Variants in GRAMD1A observed in about 807,000 individuals in gnomAD.
The protein encoded by GRAMD1A is protein Aster-A.
Under a neutral mutation model 92.0 loss-of-function variants are expected in GRAMD1A, and 50 were observed. The ratio of observed to expected loss-of-function variants is 0.54; its 90% CI spans 0.43 to 0.69. GRAMD1A has a LOEUF of 0.69. Among genes scored for constraint, GRAMD1A ranks in the 30% least tolerant of loss-of-function variants. The pLI is 0.00. For synonymous variants in GRAMD1A, 405 were observed against 403.6 expected (o/e 1.00, Z -0.04); for missense variants, 819 against 978.9 (o/e 0.84, Z 2.18).
Position 35,014,657 on chromosome 19 carries a change from T to G in GRAMD1A, c.1069+270T>G. On this transcript the variant is annotated intron_variant, in intron 10 of 19. Transcript: ENST00000317991. ...TGTCACGTGGGCAAATTATGTAACT[T>G]CTCTGAGCTTGCTTTCCTCCTCTGA... 5 of 521,706 alleles carry G rather than the reference T, an allele frequency of 9.6e-6. No homozygotes were observed. In the South Asian group the frequency reaches 1.1e-4, roughly 11 times the overall value. 32.3% of individuals were successfully genotyped at this position (521,706 alleles called of 1,614,324 possible).
At position 35,013,382 on chromosome 19, in the gene GRAMD1A, C is replaced by T; in HGVS notation, c.719+14C>T. On this transcript the variant is annotated intron_variant, in intron 8 of 19. Coordinates refer to ENST00000317991, the MANE Select transcript of GRAMD1A (RefSeq NM_020895.5). This position sits in a 1 kb window ranked among gnomAD's most constrained non-coding sequence, Gnocchi z 4.9. ...GAACGGTCTGGGGTGAGTTGGAGGT[C>T]AAAGGAGGTTGAAGGGTTCGGGGGA... is the stretch of plus-strand genomic sequence containing the variant. 6.5e-7 allele frequency: 1 copy of T among 1,531,076 alleles called. No homozygotes were observed. Among genetic ancestry groups the T allele is most frequent in the Non-Finnish European group, 8.9e-7 (1 of 1,122,574 alleles). The allele number at this position is 1,531,076 out of a possible 1,614,324, so 94.8% of individuals were successfully genotyped here. A position where few individuals can be genotyped will look rare whatever the true frequency, so the allele number is the denominator to read the frequency against.
chr19:35,013,518 C>T lies in GRAMD1A; in HGVS notation c.720-23C>T. 1 of 1,589,220 alleles carries T rather than the reference C, an allele frequency of 6.3e-7. No individual in the cohort carries two copies. The highest frequency in any genetic ancestry group is 8.6e-7 in the Non-Finnish European group (1 of 1,164,368). The stretch of plus-strand genomic sequence containing the variant: ...ATGGGGTCTCAAGGACACAGCAGTC[C>T]CGCTTCCTCCCCTTTCCCACAGGAC... On this transcript the variant is annotated intron_variant, in intron 8 of 19. Coordinates refer to ENST00000317991, the MANE Select transcript of GRAMD1A (RefSeq NM_020895.5). This position sits in a 1 kb window ranked among gnomAD's most constrained non-coding sequence, Gnocchi z 4.9.
rs1600299467 is a variant in GRAMD1A at position 35,011,542 on chromosome 19, A to G, written c.594A>G (p.Ala198=). 1.9e-6 allele frequency: 3 copies of G among 1,610,316 alleles called. No homozygotes were observed. The highest frequency in any genetic ancestry group is 4.5e-5 in the East Asian group (2 of 44,848). The stretch of plus-strand genomic sequence containing the variant: ...TCATCTTCCGCCTCTGGCAGAATGC[A>G]CTGCTTGAAAAGGTGGGCCTGGGTG... ...FLLIFRLWQN[A]LLEKTLSPRE... Residue 198 remains alanine (A), a synonymous_variant, in exon 7 of 20, where the codon GCA becomes GCG. Transcript: ENST00000317991.
At chr19:34,996,125 C>T (rs986591973), upstream of GRAMD1A, 2 of 1,535,998 alleles carry the variant, frequency 1.3e-6, no homozygotes, top group Admixed American at 2.0e-5. Context: ...GCAGCAGCCA[C>T]AGGGTGACAG....
chr19:35,021,960 G>A lies in GRAMD1A; in HGVS notation c.1763G>A (p.Ser588Asn). 1 of 1,614,072 alleles carries A rather than the reference G, an allele frequency of 6.2e-7. No homozygotes were observed. The highest frequency in any genetic ancestry group is 8.5e-7 in the Non-Finnish European group (1 of 1,179,990). The change falls in exon 16 of 20, where the codon AGC becomes AAC. Residue 588 changes from serine (S) to asparagine (N), a missense_variant. Around this residue, in one of 3 missense-constraint regions of GRAMD1A, gnomAD observed 577 missense variants for 674.6 expected, o/e 0.86. Coordinates refer to ENST00000317991, the MANE Select transcript of GRAMD1A (RefSeq NM_020895.5). This position sits in a 1 kb window ranked among gnomAD's most constrained non-coding sequence, Gnocchi z 5.3. ...AGCTGCTCTCCTGCAGGCTCCCTCAGCTCCCGCTTCTCCGAACCATCTGTG... is the reference window on the plus strand; with the variant it reads ...AGCTGCTCTCCTGCAGGCTCCCTCAACTCCCGCTTCTCCGAACCATCTGTG... Reference protein sequence around the residue: ...RAGIHTSGSLSSRFSEPSVDQ... With the variant: ...RAGIHTSGSLNSRFSEPSVDQ...
rs2014254570 is a variant in GRAMD1A, at chr19:35,000,392, C to CGCCCAGCGCA, written c.-79_-70dup. The CGCCCAGCGCA allele has an allele frequency of 6.5e-5, 75 of 1,152,380 alleles. No homozygotes were observed. Among genetic ancestry groups the CGCCCAGCGCA allele is most frequent in the Non-Finnish European group, 7.8e-5 (73 of 939,854 alleles). 71.4% of individuals were successfully genotyped at this position (1,152,380 alleles called of 1,614,324 possible). On this transcript the variant is annotated 5_prime_UTR_variant, in exon 1 of 20. Coordinates refer to ENST00000317991, the MANE Select transcript of GRAMD1A (RefSeq NM_020895.5). This position sits in a 1 kb window ranked among gnomAD's most constrained non-coding sequence, Gnocchi z 4.9. Reference sequence around the variant, plus strand: ...AGGCCAGGCCGGTGCCCTGCGGGGACGCCCAGCGCAGCCCAGCCCCGCGCA... The same window carrying CGCCCAGCGCA: ...AGGCCAGGCCGGTGCCCTGCGGGGACGCCCAGCGCAGCCCAGCGCAGCCCAGCCCCGCGCA...
In GRAMD1A at chr19:35,014,221, C is replaced by T. The variant is rs202058211; in HGVS notation, c.903C>T (p.Ser301=). The change falls in exon 10 of 20, where the codon AGC becomes AGT. Residue 301 remains serine, a synonymous_variant. Transcript: ENST00000317991. ...AGGACAAGGAGGAGCAGGTAGACAG[C>T]CAGCCAGACGCCTCCTCCAGCCAGA... ...AEEDKEEQVD[S]QPDASSSQTV... The T allele has an allele frequency of 2.5e-6, 4 of 1,613,850 alleles. No individual in the cohort carries two copies. The African/African-American group carries it at 5.3e-5, about 22-fold the overall frequency.
chr19:34,995,586 T>G (rs1444991490), upstream of GRAMD1A, among the ~76,000 whole-genome samples: 4 of 144,134 alleles, frequency 2.8e-5, no homozygotes, highest in Non-Finnish European at 6.0e-5. Context: ...TTTTTTTTTT[T>G]TTTTTTTTTT....
chr19:35,019,408 C>A lies in GRAMD1A; in HGVS notation c.1350C>A (p.Gly450=), dbSNP rs1489060816. Residue 450 remains glycine, a synonymous_variant, in exon 13 of 20, where the codon GGC becomes GGA. Coordinates refer to ENST00000317991, the MANE Select transcript of GRAMD1A (RefSeq NM_020895.5). ...CCCTGCAGACGCTGTTCCGGCGCGG[C>A]CCCCAGGCCGGCGGGTGTGTGGTGG... ...VVETQTLFRR[G]PQAGGCVVDS... 2 of 1,613,722 alleles carry A rather than the reference C, an allele frequency of 1.2e-6. No individual in the cohort carries two copies. Among genetic ancestry groups the A allele is most frequent in the South Asian group, 1.1e-5 (1 of 91,084 alleles).
Position 35,000,453 on chromosome 19 carries a change from C to T in GRAMD1A, c.-26C>T, listed in dbSNP as rs775413407. 5.5e-6 allele frequency: 5 copies of T among 903,664 alleles called. No homozygotes were observed. Among genetic ancestry groups the T allele is most frequent in the Admixed American group, 5.1e-5 (1 of 19,506 alleles). The allele number at this position is 903,664 out of a possible 1,614,324, so 56.0% of individuals were successfully genotyped here. A position where few individuals can be genotyped will look rare whatever the true frequency, so the allele number is the denominator to read the frequency against. On this transcript the variant is annotated 5_prime_UTR_variant, in exon 1 of 20. Coordinates refer to ENST00000317991, the MANE Select transcript of GRAMD1A (RefSeq NM_020895.5). The surrounding 1 kb of genome is among the most constrained non-coding windows in gnomAD (Gnocchi z 4.9). ...GCCCTGCCCTGCCCTGCCCTGCGCC[C>T]GGGGCGCGCCCACCGCGCCGCATCC...
In GRAMD1A at chr19:35,015,956, G is replaced by A. The variant is rs1238409757; in HGVS notation, c.1202G>A (p.Cys401Tyr). The A allele has an allele frequency of 6.2e-7, 1 of 1,613,356 alleles. No homozygotes were observed. The highest frequency in any genetic ancestry group is 2.2e-5 in the East Asian group (1 of 44,842). ...TTCCTCCAGGGCTTCCTACAGCAGT[G>A]CAAGTTCACAGGTCAGCGGGCGCAT... ...SPFLQGFLQQ[C>Y]KFTDVTLSPW... The change falls in exon 11 of 20, where the codon TGC (cysteine) becomes TAC (tyrosine). Residue 401 changes from cysteine to tyrosine, a missense_variant. By Grantham distance (194) the Cys-to-Tyr change is radical. Transcript: ENST00000317991.
chr19:35,013,948 A>G lies in GRAMD1A; in HGVS notation c.871-241A>G, dbSNP rs2015437465. Among the ~76,000 whole-genome samples, 1 of 152,218 alleles carries G rather than the reference A, an allele frequency of 6.6e-6. No homozygotes were observed. Among genetic ancestry groups the G allele is most frequent in the Non-Finnish European group, 1.5e-5 (1 of 68,040 alleles). On this transcript the variant is annotated intron_variant, in intron 9 of 19. Transcript: ENST00000317991. The surrounding 1 kb of genome is among the most constrained non-coding windows in gnomAD (Gnocchi z 4.9). ...TGGGTGGATAGATGAAGCAGCAGAC[A>G]GACAGACGGACAGGACAGGTAAGAA...
chr19:35,005,204 G>A (rs1010158535), intron 1 of GRAMD1A, among the ~76,000 whole-genome samples: 2 of 151,562 alleles, frequency 1.3e-5, no homozygotes, highest in Admixed American at 6.6e-5. Flanking sequence ...CGTGGGTGGG[G>A]GTTGGGGGTG....
chr19:35,022,844 G>A (rs1040188929), intron 16 of GRAMD1A, 56 bp from the exon 17 acceptor site: 20 of 1,572,156 alleles, frequency 1.3e-5, no homozygotes, highest in East Asian at 6.9e-5. Flanking sequence ...TGGGGGTGTC[G>A]GGGGCAGGCC....
chr19:34,999,895 T>G, upstream of GRAMD1A: 4 of 369,986 alleles, frequency 1.1e-5, no homozygotes, highest in African/African-American at 2.2e-5. Context: ...GCCCCACCCC[T>G]TCCCGCCAGC....
intron 10 of GRAMD1A, chr19:35,015,384 T>C (rs757853989): frequency 8.3e-5 from 13 of 156,774 alleles, no homozygotes; most frequent in Non-Finnish European, 1.4e-4. Flanking sequence ...CAGCCTATTT[T>C]TCCTAGTGTC....
At chr19:35,006,548 T>C (rs899200487) in intron 1 of GRAMD1A, among the ~76,000 whole-genome samples, 2 of 152,234 alleles carry the variant, frequency 1.3e-5, no homozygotes, top group Non-Finnish European at 2.9e-5. Flanking sequence ...ACAGTCCTTA[T>C]TACAGTTCGT....
At chr19:35,008,519 G>A (rs889122074) in intron 1 of GRAMD1A, among the ~76,000 whole-genome samples, 5 of 151,184 alleles carry the variant, frequency 3.3e-5, no homozygotes, top group Admixed American at 1.3e-4. Context: ...GGAAGACCCC[G>A]TCTCAAAAAA....
At chr19:35,011,391 G>A (rs2015226361) in intron 6 of GRAMD1A, 83 bp from the exon 7 acceptor site, 4 of 953,684 alleles carry the variant, frequency 4.2e-6, no homozygotes, top group Non-Finnish European at 5.1e-6. Context: ...TGGCGTCAGC[G>A]CAGATGAGGG....
Sources: gnomAD v4.1 joint callset for allele counts (sites outside exome capture counted in the v4.1 genomes callset) on GRCh38, gnomAD v4.1.1 for gene constraint, gnomAD v4.1.1 regional missense constraint, Gnocchi (gnomAD v3.1) non-coding constraint, MANE v1.5 for transcripts, NCBI Gene and HGNC (gene_info 2026-07-23, HGNC 2026-07-21) for gene names.